AHI1: variants seen among roughly 807,000 people sequenced by gnomAD.
The protein encoded by AHI1 is Abelson helper integration site 1, also known as jouberin.
Under a neutral mutation model 149.3 loss-of-function variants are expected in AHI1, and 123 were observed. That is an observed-to-expected ratio of 0.82 (90% CI 0.71 to 0.96). The LOEUF is 0.96. Among genes scored for constraint, AHI1 ranks in the 40% least tolerant of loss-of-function variants. AHI1 has a pLI of 0.00. For missense variants in AHI1, 1,439 were observed against 1,422.7 expected, an observed-to-expected ratio of 1.01 and a Z score of -0.18; for synonymous variants, 475 against 459.8, an observed-to-expected ratio of 1.03 and a Z score of -0.42.
intron 25 of AHI1, 128 bp from the exon 26 acceptor site, chr6:135,318,744 G>A: frequency 1.8e-6 from 1 of 562,204 alleles, no homozygotes; most frequent in Non-Finnish European, 3.0e-6. Context: ...GTACCAATAA[G>A]ATACCTAAAA....
chr6:135,391,156 C>T (rs951652611), intron 23 of AHI1, among the ~76,000 whole-genome samples: 2 of 152,104 alleles, frequency 1.3e-5, no homozygotes, highest in African/African-American at 2.4e-5. Flanking sequence ...TTTCTGGATA[C>T]AAGTAACCTA....
intron 24 of AHI1, among the ~76,000 whole-genome samples, chr6:135,334,818 C>T (rs1343471784): frequency 1.3e-5 from 2 of 152,116 alleles, no homozygotes; most frequent in African/African-American, 2.4e-5. Context: ...GTTCTCAAAA[C>T]GTATTCCCCA....
chr6:135,354,509 T>C (rs1460563507), intron 24 of AHI1, among the ~76,000 whole-genome samples: 1 of 152,178 alleles, frequency 6.6e-6, no homozygotes, highest in Non-Finnish European at 1.5e-5. Context: ...GGGGAATACT[T>C]CCTTATGCTA....
chr6:135,438,432 A>T lies in AHI1; in HGVS notation c.1979T>A (p.Leu660His), dbSNP rs772560701. 1.3e-6 allele frequency: 2 copies of T among 1,565,508 alleles called. No individual in the cohort carries two copies. The highest frequency in any genetic ancestry group is 2.4e-5 in the South Asian group (2 of 84,704). ...LCGHLNIIYD[L>H]SWSKDDHYIL... ...GTAGTGATCATCTTTTGACCAGGAA[A>T]GATCATAAATGATATTGAGGTGGCC... The change falls in exon 15 of 29, where the codon CTT becomes CAT. Residue 660 changes from leucine (L) to histidine (H), a missense_variant. Coordinates refer to ENST00000265602, the MANE Select transcript of AHI1 (RefSeq NM_001134831.2).
At chr6:135,340,650 CATACATACATATATATAT>C (rs1188628121) in intron 24 of AHI1, among the ~76,000 whole-genome samples, 1 of 52,650 alleles carries the variant, frequency 1.9e-5, no homozygotes, top group East Asian at 5.7e-4. Flanking sequence ...CATATATATA[CATACATACATATATATAT>C]ATATATATAT....
At chr6:135,420,936 T>A (rs1783061449) in intron 20 of AHI1, among the ~76,000 whole-genome samples, 1 of 152,098 alleles carries the variant, frequency 6.6e-6, no homozygotes, top group Non-Finnish European at 1.5e-5. Flanking sequence ...CCTTTTTATT[T>A]ATAATGAGAA....
chr6:135,303,703 A>C (rs147862500), intron 26 of AHI1, among the ~76,000 whole-genome samples: 4 of 152,304 alleles, frequency 2.6e-5, no homozygotes, highest in Non-Finnish European at 4.4e-5. Context: ...AGTGTTTTTC[A>C]AACTGATTTA....
Position 135,373,459 on chromosome 6 carries a change from C to T in AHI1, c.3110-15272G>A, listed in dbSNP as rs183241380. Among the ~76,000 whole-genome samples, 386 of 152,262 alleles carry T rather than the reference C, an allele frequency of 2.5e-3. 1 individual carries two copies. Among genetic ancestry groups the T allele is most frequent in the Middle Eastern group, 0.01 (3 of 294 alleles). On this transcript the variant is annotated intron_variant, in intron 23 of 28. Coordinates refer to ENST00000265602, the MANE Select transcript of AHI1 (RefSeq NM_001134831.2). ...ACTATGCATTTCTTAAAATGTATCG[C>T]CACTGTTAAGCAATGCGTGACTATA... is the stretch of plus-strand genomic sequence containing the variant.
intron 23 of AHI1, among the ~76,000 whole-genome samples, chr6:135,373,995 C>T (rs1036342722): frequency 7.3e-5 from 11 of 150,202 alleles, no homozygotes; most frequent in African/African-American, 2.5e-4. Flanking sequence ...GTTTGATTAT[C>T]TGTGCCTATG....
At chr6:135,299,878 C>T (rs1220606084) in intron 27 of AHI1, among the ~76,000 whole-genome samples, 1 of 152,036 alleles carries the variant, frequency 6.6e-6, no homozygotes, top group Non-Finnish European at 1.5e-5. Flanking sequence ...AATACACGTT[C>T]ACTTGTTTTC....
chr6:135,424,302 A>C (rs1783638555), intron 20 of AHI1, among the ~76,000 whole-genome samples: 1 of 152,054 alleles, frequency 6.6e-6, no homozygotes, highest in Non-Finnish European at 1.5e-5. Context: ...AAAATGCTTA[A>C]AACAGAACCA....
intron 7 of AHI1, among the ~76,000 whole-genome samples, chr6:135,463,791 G>A (rs77169230): frequency 0.031 from 4,653 of 151,054 alleles, 107 homozygotes; most frequent in African/African-American, 0.058. Flanking sequence ...TCGCGCTGTC[G>A]CCCAAGTTGG....
intron 14 of AHI1, 47 bp downstream of exon 14, chr6:135,442,535 C>T: frequency 6.5e-7 from 1 of 1,531,442 alleles, no homozygotes; most frequent in Non-Finnish European, 8.8e-7. Flanking sequence ...AAAGAATGTC[C>T]TCCACGTGGA....
chr6:135,389,645 T>A (rs1174450813), intron 23 of AHI1, among the ~76,000 whole-genome samples: 2 of 152,188 alleles, frequency 1.3e-5, no homozygotes, highest in South Asian at 2.1e-4. Flanking sequence ...GAAGAGTGCA[T>A]GAATAAAGTC....
At chr6:135,333,814 C>T (rs1299401371) in intron 24 of AHI1, among the ~76,000 whole-genome samples, 1 of 152,076 alleles carries the variant, frequency 6.6e-6, no homozygotes, top group Non-Finnish European at 1.5e-5. Flanking sequence ...GAGGTCTAGA[C>T]AAGATGATAT....
At chr6:135,325,922 C>T (rs1787603741) in intron 24 of AHI1, among the ~76,000 whole-genome samples, 1 of 152,154 alleles carries the variant, frequency 6.6e-6, no homozygotes, top group Admixed American at 6.5e-5. Flanking sequence ...AAGTCTGAAG[C>T]TTATCAAGTG....
rs748009598 is a variant in AHI1 at position 135,465,954 on chromosome 6, C to T, written c.609G>A (p.Glu203=). ...QCHVTEEMAK[E]IKRKIRKKLK... ...GTTTCTTTCTTATTTTCCTCTTAAT[C>T]TCCTTTGCCATTTCTTCAGTTACAT... The change falls in exon 7 of 29, where the codon GAG becomes GAA. Residue 203 remains glutamate (E), a synonymous_variant. Coordinates refer to ENST00000265602, the MANE Select transcript of AHI1 (RefSeq NM_001134831.2). The T allele has an allele frequency of 2.2e-5, 36 of 1,610,792 alleles. No individual in the cohort carries two copies. Among genetic ancestry groups the T allele is most frequent in the Non-Finnish European group, 2.8e-5 (33 of 1,179,078 alleles).
intron 22 of AHI1, among the ~76,000 whole-genome samples, chr6:135,403,386 C>T (rs929916617): frequency 5.3e-5 from 8 of 152,112 alleles, no homozygotes; most frequent in Admixed American, 2.6e-4. Flanking sequence ...TTTTTCCAGA[C>T]ACTGATTCAT....
At chr6:135,451,633 C>T (rs1788120827) in intron 11 of AHI1, among the ~76,000 whole-genome samples, 1 of 152,052 alleles carries the variant, frequency 6.6e-6, no homozygotes, top group South Asian at 2.1e-4. Context: ...GAATTCTTGA[C>T]TGCCATTTTT....
Sources: gnomAD v4.1 joint callset for allele counts (sites outside exome capture counted in the v4.1 genomes callset) on GRCh38, gnomAD v4.1.1 for gene constraint, MANE v1.5 for transcripts, NCBI Gene and HGNC (gene_info 2026-07-23, HGNC 2026-07-21) for gene names.